Variants in SNX25 observed in about 807,000 individuals in gnomAD.
SNX25 encodes the protein sorting nexin 25.
A neutral mutation model predicts 113.7 loss-of-function variants in SNX25; 62 were observed. The observed-to-expected ratio is 0.55, with a 90% CI of 0.44 to 0.67. The LOEUF is 0.67. Among genes scored for constraint, SNX25 ranks in the 30% least tolerant of loss-of-function variants. The pLI, the probability that SNX25 is intolerant of heterozygous loss-of-function variation, is 0.00. For synonymous variants in SNX25, 421 were observed against 436.2 expected, an observed-to-expected ratio of 0.97 and a Z score of 0.43; for missense variants, 1,014 against 1,161.0, an observed-to-expected ratio of 0.87 and a Z score of 1.84.
chr4:185,370,980 CAGG>C, downstream of SNX25: 1 of 620,912 alleles, frequency 1.6e-6, no homozygotes, highest in Non-Finnish European at 2.7e-6. Context: ...CACCTCATAC[CAGG>C]AGAAGATGAG....
chr4:185,211,192 C>T (rs781703137), intron 1 of SNX25, among the ~76,000 whole-genome samples: 1 of 152,162 alleles, frequency 6.6e-6, no homozygotes, highest in Non-Finnish European at 1.5e-5. Flanking sequence ...CCTGCTCACT[C>T]CTTTATTTTA....
chr4:185,281,062 G>C (rs187147361), intron 5 of SNX25, among the ~76,000 whole-genome samples: 7 of 151,926 alleles, frequency 4.6e-5, no homozygotes, highest in African/African-American at 1.7e-4. Context: ...CTTTTCCCTC[G>C]TTTGGAGAGA....
chr4:185,374,068 CAAAA>C (rs199694987), downstream of SNX25: 150 of 1,312,712 alleles, frequency 1.1e-4, no homozygotes, highest in South Asian at 1.8e-3. Context: ...ACCATTTTCT[CAAAA>C]AAAGCAGTGA....
intron 3 of SNX25, among the ~76,000 whole-genome samples, chr4:185,263,057 C>T (rs1344802098): frequency 6.6e-6 from 1 of 152,208 alleles, no homozygotes; most frequent in Non-Finnish European, 1.5e-5. Context: ...AGCCCTCTGG[C>T]CTTTGGCTCA....
At chr4:185,349,621 A>G (rs536611102) in intron 13 of SNX25, among the ~76,000 whole-genome samples, 24 of 152,114 alleles carry the variant, frequency 1.6e-4, no homozygotes, top group Non-Finnish European at 2.2e-4. Flanking sequence ...GCTTTGACTT[A>G]TATTTCCCTA....
intron 1 of SNX25, among the ~76,000 whole-genome samples, chr4:185,231,161 T>A (rs1461750552): frequency 6.6e-6 from 1 of 151,208 alleles, no homozygotes; most frequent in Non-Finnish European, 1.5e-5. Context: ...TGCAGTGGCA[T>A]GATCTCGGCT....
chr4:185,290,096 C>G lies in SNX25; in HGVS notation c.1162+2014C>G, dbSNP rs149493350. The stretch of plus-strand genomic sequence containing the variant: ...TTCATGTCTGTGTTTTCTATTCTTA[C>G]AAGGATGCCAGTCATACTGCACTGG... On this transcript the variant is annotated intron_variant, in intron 6 of 18. Coordinates refer to ENST00000652585, the MANE Select transcript of SNX25 (RefSeq NM_001378034.2). Among the ~76,000 whole-genome samples, 21 of 152,292 alleles carry G rather than the reference C, an allele frequency of 1.4e-4. No individual in the cohort carries two copies. The East Asian group carries it at 4.1e-3, about 29-fold the overall frequency.
chr4:185,269,323 C>T (rs1055042944), intron 5 of SNX25, among the ~76,000 whole-genome samples: 4 of 152,208 alleles, frequency 2.6e-5, no homozygotes, highest in Non-Finnish European at 4.4e-5. Flanking sequence ...CTCGAATACT[C>T]ATCTACCTGG....
chr4:185,373,159 C>G, downstream of SNX25: 1 of 1,295,958 alleles, frequency 7.7e-7, no homozygotes, highest in Non-Finnish European at 1.1e-6. Flanking sequence ...GAAAAGAACT[C>G]TGTGTTTCCT....
rs2095376725 is a variant in SNX25, at chr4:185,363,736, G to C, written c.*271G>C. The C allele has an allele frequency of 7.2e-6, 2 of 276,148 alleles. No individual in the cohort carries two copies. Among genetic ancestry groups the C allele is most frequent in the Non-Finnish European group, 1.4e-5 (2 of 146,352 alleles). 17.1% of individuals were successfully genotyped at this position (276,148 alleles called of 1,614,324 possible). The stretch of plus-strand genomic sequence containing the variant: ...ACAAATGTTAATATGTGAGAACCTA[G>C]GAAGTATTTTAAATATTTATGAAAA... On this transcript the variant is annotated 3_prime_UTR_variant, in exon 19 of 19. Transcript: ENST00000652585. This position sits in a 1 kb window ranked among gnomAD's most constrained non-coding sequence, Gnocchi z 4.2.
At chr4:185,239,722 T>TG (rs1256821204) in intron 1 of SNX25, among the ~76,000 whole-genome samples, 1 of 151,320 alleles carries the variant, frequency 6.6e-6, no homozygotes, top group Non-Finnish European at 1.5e-5. Flanking sequence ...CGGTTTTTTT[T>TG]TGTGTGTGTT....
At chr4:185,231,401 T>C (rs896672864) in intron 1 of SNX25, among the ~76,000 whole-genome samples, 9 of 150,578 alleles carry the variant, frequency 6.0e-5, no homozygotes, top group African/African-American at 2.2e-4. Flanking sequence ...GCCTGGCCAA[T>C]AACTTGTTTC....
Position 185,346,668 on chromosome 4 carries a change from G to A in SNX25, c.2301+18G>A, listed in dbSNP as rs773985791. ...TTTTACAGGTAAGCAAGTGAAAAAT[G>A]TGGGATATGAGAGAAAAAATTAGTT... On this transcript the variant is annotated intron_variant, in intron 13 of 18. Coordinates refer to ENST00000652585, the MANE Select transcript of SNX25 (RefSeq NM_001378034.2). 2.0e-6 allele frequency: 3 copies of A among 1,484,694 alleles called. No homozygotes were observed. Among genetic ancestry groups the A allele is most frequent in the East Asian group, 2.4e-5 (1 of 42,352 alleles). The allele number at this position is 1,484,694 out of a possible 1,614,324, so 92.0% of individuals were successfully genotyped here.
intron 7 of SNX25, among the ~76,000 whole-genome samples, chr4:185,314,324 CAA>C (rs35324892): frequency 4.0e-5 from 3 of 75,370 alleles, no homozygotes; most frequent in Non-Finnish European, 4.9e-5. Context: ...CCCCTCTCTA[CAA>C]AAAAAAAAAA....
At chr4:185,301,089 A>G (rs1302562820) in intron 6 of SNX25, among the ~76,000 whole-genome samples, 1 of 152,050 alleles carries the variant, frequency 6.6e-6, no homozygotes, top group African/African-American at 2.4e-5. Flanking sequence ...CCTGCCCCAT[A>G]CCCCAAAAGA....
At chr4:185,249,063 G>A (rs1017200462) in intron 2 of SNX25, among the ~76,000 whole-genome samples, 13 of 152,146 alleles carry the variant, frequency 8.5e-5, no homozygotes, top group African/African-American at 3.1e-4. Flanking sequence ...TTTCTCCTGT[G>A]GGACATCTGG....
chr4:185,263,813 T>C (rs1351845709), intron 3 of SNX25, among the ~76,000 whole-genome samples: 1 of 152,190 alleles, frequency 6.6e-6, no homozygotes, highest in African/African-American at 2.4e-5. Context: ...AAGGGAAGTA[T>C]AGAAAGTTCT....
intron 6 of SNX25, among the ~76,000 whole-genome samples, chr4:185,301,457 T>C (rs1753667263): frequency 6.6e-6 from 1 of 152,134 alleles, no homozygotes; most frequent in Non-Finnish European, 1.5e-5. Context: ...AGTGGTGCAA[T>C]CTTGACTCAC....
intron 1 of SNX25, among the ~76,000 whole-genome samples, chr4:185,223,783 T>A (rs1740396669): frequency 6.6e-6 from 1 of 152,126 alleles, no homozygotes; most frequent in Non-Finnish European, 1.5e-5. Context: ...TCTCTTTCCT[T>A]TTGTGATATT....
Sources: allele counts gnomAD v4.1 joint callset (sites outside exome capture counted in the v4.1 genomes callset), GRCh38; gene constraint gnomAD v4.1.1; non-coding constraint Gnocchi (gnomAD v3.1); transcripts MANE v1.5; gene names NCBI Gene and HGNC (gene_info 2026-07-23, HGNC 2026-07-21).